The following PMFBP1 variants were observed in gnomAD, a reference collection of about 807,000 sequenced individuals.
The protein encoded by PMFBP1 is polyamine-modulated factor 1-binding protein 1.
A neutral mutation model predicts 137.8 loss-of-function variants in PMFBP1; 131 were observed. The ratio of observed to expected loss-of-function variants is 0.95; its 90% CI spans 0.82 to 1.10. PMFBP1 has a LOEUF of 1.10. PMFBP1 is among the 50% of genes least tolerant of loss of function. The pLI is 0.00. For missense variants in PMFBP1, 1,199 were observed against 1,175.4 expected (o/e 1.02, Z -0.29); for synonymous variants, 490 against 450.4 (o/e 1.09, Z -1.11).
At chr16:72,134,773 ATC>A (rs2042599172) in intron 9 of PMFBP1, among the ~76,000 whole-genome samples, 1 of 152,076 alleles carries the variant, frequency 6.6e-6, no homozygotes, top group Non-Finnish European at 1.5e-5. Context: ...CTTCATTCAA[ATC>A]TCTGCCCAAA....
chr16:72,146,518 G>A (rs966487062), intron 5 of PMFBP1, among the ~76,000 whole-genome samples: 1 of 152,116 alleles, frequency 6.6e-6, no homozygotes, highest in African/African-American at 2.4e-5. Context: ...TGGAAGTTCT[G>A]GCCAGGGCAA....
the PMFBP1 span, among the ~76,000 whole-genome samples, chr16:72,207,164 C>CAGTGCAG: frequency 6.6e-6 from 1 of 151,996 alleles, no homozygotes; most frequent in East Asian, 1.9e-4. Flanking sequence ...ATCAGGCTGA[C>CAGTGCAG]AGTGCAGAGT....
At chr16:72,228,755 CT>C in the PMFBP1 span, among the ~76,000 whole-genome samples, 2 of 151,642 alleles carry the variant, frequency 1.3e-5, no homozygotes, top group Non-Finnish European at 2.9e-5. Flanking sequence ...CACTTTTAGG[CT>C]TCTTTTCTTT....
chr16:72,177,609 A>C (rs903083540), upstream of PMFBP1, among the ~76,000 whole-genome samples: 1 of 152,172 alleles, frequency 6.6e-6, no homozygotes, highest in African/African-American at 2.4e-5. Context: ...CAATATTAAC[A>C]TCTTACATGA....
the PMFBP1 span, among the ~76,000 whole-genome samples, chr16:72,193,529 T>C: frequency 1.3e-5 from 2 of 152,098 alleles, no homozygotes; most frequent in Non-Finnish European, 2.9e-5. Context: ...AGAAGAGTAA[T>C]ATATTATTTT....
rs551285917 is a variant in PMFBP1, at chr16:72,146,172, T to C, written c.636+4436A>G. On this transcript the variant is annotated intron_variant, in intron 5 of 20. Transcript: ENST00000237353. ...CCAGCAGCACATCAAAAAGCTTATC[T>C]ACCATGATCAAGTCGGCTTCATCTT... Among the ~76,000 whole-genome samples, 20 of 152,282 alleles carry C rather than the reference T, an allele frequency of 1.3e-4. No homozygotes were observed. In the South Asian group the frequency reaches 4.2e-3, roughly 32 times the overall value.
upstream of PMFBP1, among the ~76,000 whole-genome samples, chr16:72,180,499 T>A (rs189762664): frequency 5.6e-4 from 85 of 152,274 alleles, 1 homozygote; most frequent in African/African-American, 1.8e-3. Flanking sequence ...GCCGCAGCAA[T>A]GTGTTTCTCC....
At chr16:72,234,731 C>T in the PMFBP1 span, among the ~76,000 whole-genome samples, 29 of 152,276 alleles carry the variant, frequency 1.9e-4, 1 homozygote, top group Middle Eastern at 3.4e-3. Context: ...GTCATGAAGT[C>T]AAGAACCTGA....
At chr16:72,138,912 C>CAA (rs35349842) in intron 7 of PMFBP1, among the ~76,000 whole-genome samples, 7,588 of 120,016 alleles carry the variant, frequency 0.063, 337 homozygotes, top group African/African-American at 0.14. Flanking sequence ...ACAGAGTTCT[C>CAA]AAAAAAAAAA....
intron 15 of PMFBP1, 46 bp from the exon 16 acceptor site, chr16:72,125,451 C>A: frequency 6.3e-7 from 1 of 1,590,372 alleles, no homozygotes; most frequent in Non-Finnish European, 8.6e-7. Flanking sequence ...GAGACTTTGA[C>A]CCTCTCTGCT....
rs538188487 is a variant in PMFBP1 at position 72,161,130 on chromosome 16, C to T, written c.165+3634G>A. On this transcript the variant is annotated intron_variant, in intron 3 of 20. Coordinates refer to ENST00000237353, the MANE Select transcript of PMFBP1 (RefSeq NM_031293.3). ...TTTTTTTTTTTGAGATGGAATCTCA[C>T]TCTGTTGCCAAGGCTGGAGTGAAGT... Among the ~76,000 whole-genome samples the T allele has an allele frequency of 2.1e-5, 3 of 140,858 alleles. No homozygotes were observed. In the Admixed American group the frequency reaches 2.2e-4, roughly 10 times the overall value. The allele number at this position is 140,858 out of a possible 152,430, so 92.4% of individuals were successfully genotyped here.
intron 9 of PMFBP1, among the ~76,000 whole-genome samples, chr16:72,135,535 A>G (rs1286614849): frequency 6.6e-6 from 1 of 151,650 alleles, no homozygotes; most frequent in Non-Finnish European, 1.5e-5. Flanking sequence ...GATTATTTTT[A>G]ATAGCTCTGA....
In PMFBP1 at chr16:72,124,901, T is replaced by C. The variant is rs1236204096; in HGVS notation, c.2455A>G (p.Ser819Gly). Residue 819 changes from serine (S) to glycine (G), a missense_variant, in exon 17 of 21, where the codon AGC becomes GGC. Coordinates refer to ENST00000237353, the MANE Select transcript of PMFBP1 (RefSeq NM_031293.3). ...TTCTGCCACTGCAGCACCTGGCAGC[T>C]CATCTCCTCTAGCTTCTTGTCAAAG... ...HAFDKKLEEM[S>G]CQVLQWQKQH... The C allele has an allele frequency of 2.5e-6, 4 of 1,614,174 alleles. No individual in the cohort carries two copies. The South Asian group carries it at 4.4e-5, about 18-fold the overall frequency.
At chr16:72,163,307 T>C (rs2144495019) in intron 3 of PMFBP1, among the ~76,000 whole-genome samples, 1 of 152,366 alleles carries the variant, frequency 6.6e-6, no homozygotes, top group Middle Eastern at 3.4e-3. Context: ...GCTCCCCAGC[T>C]TATGTGGAAA....
chr16:72,134,772 A>G (rs2042599136), intron 9 of PMFBP1, among the ~76,000 whole-genome samples: 1 of 152,176 alleles, frequency 6.6e-6, no homozygotes, highest in Non-Finnish European at 1.5e-5. Flanking sequence ...ACTTCATTCA[A>G]ATCTCTGCCC....
intron 3 of PMFBP1, among the ~76,000 whole-genome samples, chr16:72,155,570 G>A (rs1355314601): frequency 1.3e-5 from 2 of 152,246 alleles, no homozygotes; most frequent in African/African-American, 4.8e-5. Context: ...TTGAATGAAA[G>A]AAATGAAAAT....
chr16:72,204,404 G>A, the PMFBP1 span, among the ~76,000 whole-genome samples: 1 of 152,102 alleles, frequency 6.6e-6, no homozygotes, highest in East Asian at 1.9e-4. Context: ...GTTTTACTAT[G>A]TTGCCCAGAC....
rs952250120 is a variant in PMFBP1 at position 72,132,357 on chromosome 16, T to C, written c.1447+391A>G. 3.3e-5 allele frequency among the ~76,000 whole-genome samples: 5 copies of C among 151,900 alleles called. No homozygotes were observed. In the East Asian group the frequency reaches 5.8e-4, roughly 18 times the overall value. ...CAAGCTGCACAGAAGAGAAATGTAT[T>C]TGGGGGCAAAAAGGCGAAAGGGAAT... On this transcript the variant is annotated intron_variant, in intron 10 of 20. Coordinates refer to ENST00000237353, the MANE Select transcript of PMFBP1 (RefSeq NM_031293.3).
At chr16:72,169,299 T>C (rs938157573) in intron 2 of PMFBP1, among the ~76,000 whole-genome samples, 11 of 152,190 alleles carry the variant, frequency 7.2e-5, no homozygotes, top group African/African-American at 2.7e-4. Flanking sequence ...CTAATATTGA[T>C]TCAGGAATTC....
Sources: gnomAD v4.1 joint callset for allele counts (sites outside exome capture counted in the v4.1 genomes callset) on GRCh38, gnomAD v4.1.1 for gene constraint, MANE v1.5 for transcripts, NCBI Gene and HGNC (gene_info 2026-07-23, HGNC 2026-07-21) for gene names.